COPZ1: variants seen among roughly 807,000 people sequenced by gnomAD.
COPZ1 encodes coat protein complex I subunit zeta 1.
In COPZ1, 4 loss-of-function variants were observed where a neutral mutation model predicts 31.7. The ratio of observed to expected loss-of-function variants is 0.13; its 90% CI spans 0.06 to 0.29. The LOEUF (loss-of-function observed/expected upper bound fraction) is 0.29, where lower values mean the gene tolerates loss of function less well. Ranked by LOEUF, COPZ1 falls within the 10% of genes least tolerant of loss-of-function variation. The pLI is 1.00. For synonymous variants in COPZ1, 74 were observed against 79.0 expected (o/e 0.94, Z 0.33); for missense variants, 156 against 211.5 (o/e 0.74, Z 1.63).
chr12:54,346,260 AT>A (rs1263601133), intron 5 of COPZ1, among the ~76,000 whole-genome samples: 3 of 146,248 alleles, frequency 2.1e-5, no homozygotes, highest in Non-Finnish European at 4.5e-5. Context: ...AACACTCCCA[AT>A]TTTTTTTTCT....
At chr12:54,329,036 A>G (rs1197953307) in intron 1 of COPZ1, among the ~76,000 whole-genome samples, 1 of 152,186 alleles carries the variant, frequency 6.6e-6, no homozygotes, top group Non-Finnish European at 1.5e-5. Context: ...CTAGCTTTCA[A>G]GCAGATTTGT....
At chr12:54,337,777 G>T (rs1565592631) in intron 1 of COPZ1, among the ~76,000 whole-genome samples, 1 of 152,204 alleles carries the variant, frequency 6.6e-6, no homozygotes, top group African/African-American at 2.4e-5. Flanking sequence ...TTTCTGTAAT[G>T]CCTTCTTTCC....
intron 1 of COPZ1, among the ~76,000 whole-genome samples, chr12:54,325,871 G>A (rs1351293030): frequency 7.0e-6 from 1 of 143,554 alleles, no homozygotes; most frequent in African/African-American, 2.6e-5. Flanking sequence ...GCTGGAGTGC[G>A]CACGTGGCGC....
chr12:54,349,621 G>A lies in COPZ1; in HGVS notation c.449G>A (p.Gly150Asp). ...AATGCTTGTATCTCTGTGCCATAGG[G>A]TGAAGATGTCCCCCTTACGGAGCAG... ...QQVVHRVALR[G>D]EDVPLTEQTV... Residue 150 changes from glycine (G) to aspartate (D), a missense_variant and splice_region_variant, in exon 8 of 9, where the codon GGT becomes GAT. Physicochemically the swap from Gly to Asp is moderately conservative, Grantham distance 94. Coordinates refer to ENST00000262061, the MANE Select transcript of COPZ1 (RefSeq NM_016057.3). 4 of 1,612,414 alleles carry A rather than the reference G, an allele frequency of 2.5e-6. No individual in the cohort carries two copies. The highest frequency in any genetic ancestry group is 3.4e-6 in the Non-Finnish European group (4 of 1,178,456).
At position 54,350,665 on chromosome 12, in the gene COPZ1, G is replaced by GC. The variant is rs1954131868; in HGVS notation, c.*147dup. 7.2e-5 allele frequency: 53 copies of GC among 733,410 alleles called. No homozygotes were observed. Among genetic ancestry groups the GC allele is most frequent in the South Asian group, 7.1e-4 (47 of 65,998 alleles). The allele number at this position is 733,410 out of a possible 1,614,324, so 45.4% of individuals were successfully genotyped here. ...TTAAATCTCCATTCTGTTTGTGGTT[G>GC]CCCCCTCAACCTCCCCTACACCCTT... is the stretch of plus-strand genomic sequence containing the variant. On this transcript the variant is annotated 3_prime_UTR_variant, in exon 9 of 9. Coordinates refer to ENST00000262061, the MANE Select transcript of COPZ1 (RefSeq NM_016057.3).
intron 8 of COPZ1, 179 bp downstream of exon 8, chr12:54,349,837 CA>C: frequency 2.9e-6 from 2 of 689,136 alleles, no homozygotes; most frequent in Non-Finnish European, 2.6e-6. Flanking sequence ...CCCCTACTTC[CA>C]ACTCCTTTCT....
chr12:54,348,755 A>AAAT (rs1365430951), intron 7 of COPZ1, among the ~76,000 whole-genome samples: 2 of 151,988 alleles, frequency 1.3e-5, no homozygotes, highest in African/African-American at 4.8e-5. Flanking sequence ...TAAATAAATA[A>AAAT]AATAATAATA....
intron 1 of COPZ1, among the ~76,000 whole-genome samples, chr12:54,336,703 G>T (rs985370750): frequency 6.6e-6 from 1 of 151,418 alleles, no homozygotes; most frequent in Non-Finnish European, 1.5e-5. Flanking sequence ...TCTTGGAGAT[G>T]TTGATGCTTT....
chr12:54,329,386 C>T (rs1262612524), intron 1 of COPZ1, among the ~76,000 whole-genome samples: 1 of 152,068 alleles, frequency 6.6e-6, no homozygotes, highest in African/African-American at 2.4e-5. Context: ...GAGTTCAAGA[C>T]CAGCCTGACC....
chr12:54,345,492 C>T lies in COPZ1; in HGVS notation c.294C>T (p.Phe98=), dbSNP rs759230346. The T allele has an allele frequency of 8.1e-6, 13 of 1,613,620 alleles. No homozygotes were observed. The highest frequency in any genetic ancestry group is 1.3e-5 in the African/African-American group (1 of 75,024). Residue 98 remains phenylalanine (F), a synonymous_variant, in exon 5 of 9, where the codon TTC becomes TTT. Transcript: ENST00000262061. ...TTATGGCTGTTCTGAACTGTCTCTT[C>T]GACTCATTGAGCCAGATGCTGAGGT... is the stretch of plus-strand genomic sequence containing the variant. The part of the protein sequence containing the change: ...LMLMAVLNCL[F]DSLSQMLRKN...
rs557791384 is a variant in COPZ1 at position 54,326,431 on chromosome 12, C to T, written c.18+1250C>T. Among the ~76,000 whole-genome samples, 14 of 148,210 alleles carry T rather than the reference C, an allele frequency of 9.4e-5. No individual in the cohort carries two copies. In the East Asian group the frequency reaches 1.4e-3, roughly 15 times the overall value. On this transcript the variant is annotated intron_variant, in intron 1 of 8. Transcript: ENST00000262061. ...CTGGGATTACAGGCGTGAGCCACTGCGCCGGGCCAGGAATTCTTATTGTAT... is the reference window on the plus strand; with the variant it reads ...CTGGGATTACAGGCGTGAGCCACTGTGCCGGGCCAGGAATTCTTATTGTAT...
At chr12:54,326,674 TGTGTGTAG>T (rs1213526086) in intron 1 of COPZ1, among the ~76,000 whole-genome samples, 28 of 147,642 alleles carry the variant, frequency 1.9e-4, no homozygotes, top group East Asian at 4.0e-4. Flanking sequence ...TGTGTGTGTG[TGTGTGTAG>T]GTAGGTAGGT....
chr12:54,335,836 T>A (rs1418161418), intron 1 of COPZ1, among the ~76,000 whole-genome samples: 1 of 151,962 alleles, frequency 6.6e-6, no homozygotes, highest in Non-Finnish European at 1.5e-5. Flanking sequence ...CATGCCTGGC[T>A]AATTTTTGTT....
Position 54,336,434 on chromosome 12 carries a change from G to A in COPZ1, c.19-4113G>A, listed in dbSNP as rs542532817. Among the ~76,000 whole-genome samples, 284 of 152,170 alleles carry A rather than the reference G, an allele frequency of 1.9e-3. 2 individuals are homozygous for A. Among genetic ancestry groups the A allele is most frequent in the African/African-American group, 6.6e-3 (274 of 41,536 alleles). On this transcript the variant is annotated intron_variant, in intron 1 of 8. Coordinates refer to ENST00000262061, the MANE Select transcript of COPZ1 (RefSeq NM_016057.3). ...CAGGTGCGTGTAGTCCCAGCTACTC[G>A]GGAGGCTGAAGCAGGAGAGCTTGAA...
chr12:54,339,510 G>T lies in COPZ1; in HGVS notation c.19-1037G>T, dbSNP rs111540921. On this transcript the variant is annotated intron_variant, in intron 1 of 8. Coordinates refer to ENST00000262061, the MANE Select transcript of COPZ1 (RefSeq NM_016057.3). Reference sequence around the variant, plus strand: ...CTATAGATGCACGCCACCACACCTGGCTAATTTTTTTTATTTTTGTAGAGA... The same window carrying T: ...CTATAGATGCACGCCACCACACCTGTCTAATTTTTTTTATTTTTGTAGAGA... 9.5e-3 allele frequency among the ~76,000 whole-genome samples: 1,450 copies of T among 152,126 alleles called. 21 individuals are homozygous for T. Among genetic ancestry groups the T allele is most frequent in the African/African-American group, 0.033 (1,379 of 41,496 alleles).
chr12:54,328,571 G>A (rs1038093696), intron 1 of COPZ1, among the ~76,000 whole-genome samples: 1 of 152,228 alleles, frequency 6.6e-6, no homozygotes, highest in Middle Eastern at 3.4e-3. Context: ...TCTCAGAAAA[G>A]TTAAAGAAAA....
rs1592213622 is a variant in COPZ1, at chr12:54,350,688, C to CT, written c.*167dup. Reference sequence around the variant, plus strand: ...TTGCCCCCTCAACCTCCCCTACACCCTTCCTATTCTTTTTCATTCTTCTTG... The same window carrying CT: ...TTGCCCCCTCAACCTCCCCTACACCCTTTCCTATTCTTTTTCATTCTTCTTG... On this transcript the variant is annotated 3_prime_UTR_variant, in exon 9 of 9. Coordinates refer to ENST00000262061, the MANE Select transcript of COPZ1 (RefSeq NM_016057.3). 1.6e-6 allele frequency: 1 copy of CT among 625,670 alleles called. No individual in the cohort carries two copies. Among genetic ancestry groups the CT allele is most frequent in the East Asian group, 2.7e-5 (1 of 36,554 alleles). The allele number at this position is 625,670 out of a possible 1,614,324, so 38.8% of individuals were successfully genotyped here.
In COPZ1 at chr12:54,350,612, A is replaced by C; in HGVS notation, c.*89A>C. 3 of 1,071,948 alleles carry C rather than the reference A, an allele frequency of 2.8e-6. No individual in the cohort carries two copies. The highest frequency in any genetic ancestry group is 4.4e-6 in the Non-Finnish European group (3 of 686,330). 66.4% of individuals were successfully genotyped at this position (1,071,948 alleles called of 1,614,324 possible). On this transcript the variant is annotated 3_prime_UTR_variant, in exon 9 of 9. Coordinates refer to ENST00000262061, the MANE Select transcript of COPZ1 (RefSeq NM_016057.3). ...ATCTAGTTCCCCAATCGATGCTCTC[A>C]GGGTCATCTCGGGGATCACAGGGAT... is the stretch of plus-strand genomic sequence containing the variant.
At chr12:54,334,321 T>C (rs1048182351) in intron 1 of COPZ1, among the ~76,000 whole-genome samples, 16 of 151,990 alleles carry the variant, frequency 1.1e-4, no homozygotes, top group Admixed American at 4.6e-4. Flanking sequence ...CCTGAGAGGC[T>C]GAGGCAGGAG....
Sources: gnomAD v4.1 joint callset for allele counts (sites outside exome capture counted in the v4.1 genomes callset) on GRCh38, gnomAD v4.1.1 for gene constraint, MANE v1.5 for transcripts, NCBI Gene and HGNC (gene_info 2026-07-23, HGNC 2026-07-21) for gene names.